The following CAPZB variants were observed in gnomAD, a reference collection of about 807,000 sequenced individuals.
CAPZB encodes F-actin-capping protein subunit beta.
Under a neutral mutation model 38.1 loss-of-function variants are expected in CAPZB, and 2 were observed. That is an observed-to-expected ratio of 0.05 (90% CI 0.02 to 0.17). The LOEUF (loss-of-function observed/expected upper bound fraction) is 0.17, where lower values mean the gene tolerates loss of function less well. Among genes scored for constraint, CAPZB ranks in the 10% least tolerant of loss-of-function variants. The pLI is 1.00. For missense variants in CAPZB, 161 were observed against 334.2 expected, an observed-to-expected ratio of 0.48 and a Z score of 4.04; for synonymous variants, 107 against 127.4, an observed-to-expected ratio of 0.84 and a Z score of 1.08.
In CAPZB at chr1:19,386,540, A is replaced by G. The variant is rs1321856479; in HGVS notation, c.94-914T>C. 3.3e-5 allele frequency among the ~76,000 whole-genome samples: 5 copies of G among 152,316 alleles called. No homozygotes were observed. In the South Asian group the frequency reaches 8.3e-4, roughly 25 times the overall value. On this transcript the variant is annotated intron_variant, in intron 2 of 8. Transcript: ENST00000264202. ...GCCAGTTGCACCAATAACCCTTCCC[A>G]GTGGAAAAATTCCATCGTATGGCAA...
At chr1:19,409,287 G>A (rs2094346959) in intron 2 of CAPZB, among the ~76,000 whole-genome samples, 1 of 152,012 alleles carries the variant, frequency 6.6e-6, no homozygotes, top group Non-Finnish European at 1.5e-5. Flanking sequence ...GAGACTCAAT[G>A]CCAAGGTGAG....
intron 3 of CAPZB, among the ~76,000 whole-genome samples, chr1:19,379,997 G>T (rs1437253400): frequency 6.6e-6 from 1 of 152,076 alleles, no homozygotes; most frequent in African/African-American, 2.4e-5. Context: ...GATGTGGAAT[G>T]CATGTTAAGG....
At chr1:19,369,085 A>G (rs2094106682) in intron 4 of CAPZB, among the ~76,000 whole-genome samples, 1 of 152,244 alleles carries the variant, frequency 6.6e-6, no homozygotes, top group Admixed American at 6.5e-5. Flanking sequence ...CGTGGGGATC[A>G]TGTTCATAAG....
intron 2 of CAPZB, among the ~76,000 whole-genome samples, chr1:19,387,298 A>G (rs1280842875): frequency 1.3e-5 from 2 of 152,230 alleles, no homozygotes; most frequent in Admixed American, 1.3e-4. Context: ...GCTAAGGGGA[A>G]GGACAGTGCA....
intron 1 of CAPZB, among the ~76,000 whole-genome samples, chr1:19,462,542 A>T (rs1274198005): frequency 6.6e-6 from 1 of 152,254 alleles, no homozygotes; most frequent in Non-Finnish European, 1.5e-5. Flanking sequence ...AAGGAGGGTA[A>T]GCATGTTAGA....
chr1:19,440,067 C>T (rs931739411), intron 1 of CAPZB, among the ~76,000 whole-genome samples: 2 of 152,194 alleles, frequency 1.3e-5, no homozygotes, highest in Admixed American at 6.5e-5. Context: ...TATATTACTG[C>T]AAATCTAATA....
intron 2 of CAPZB, among the ~76,000 whole-genome samples, chr1:19,412,408 G>A (rs1040866064): frequency 2.0e-5 from 3 of 152,152 alleles, no homozygotes; most frequent in African/African-American, 7.2e-5. Flanking sequence ...ATGTTAAAAT[G>A]TCTTGCATGT....
chr1:19,415,092 T>C (rs1479069082), intron 2 of CAPZB, among the ~76,000 whole-genome samples: 1 of 152,260 alleles, frequency 6.6e-6, no homozygotes. Flanking sequence ...AATCAGACCA[T>C]GGTGGACTGG....
chr1:19,397,414 G>A (rs1453482846), intron 2 of CAPZB, among the ~76,000 whole-genome samples: 1 of 152,198 alleles, frequency 6.6e-6, no homozygotes, highest in African/African-American at 2.4e-5. Flanking sequence ...GGTAGGTTAA[G>A]CAACTTGGCT....
At chr1:19,432,111 C>T (rs1042358369) in intron 1 of CAPZB, among the ~76,000 whole-genome samples, 6 of 148,952 alleles carry the variant, frequency 4.0e-5, no homozygotes, top group African/African-American at 1.5e-4. Flanking sequence ...TAAAATTCTA[C>T]ATTATTAGCA....
intron 1 of CAPZB, among the ~76,000 whole-genome samples, chr1:19,442,533 C>T (rs904083746): frequency 6.6e-6 from 1 of 152,176 alleles, no homozygotes; most frequent in Non-Finnish European, 1.5e-5. Flanking sequence ...CTGGTTGCCA[C>T]CTACTCCTAG....
chr1:19,380,838 C>T (rs377240905), intron 3 of CAPZB, among the ~76,000 whole-genome samples: 125 of 152,146 alleles, frequency 8.2e-4, no homozygotes, highest in African/African-American at 2.7e-3. Context: ...CAGTGCCTGG[C>T]ACTCAACTAC....
intron 8 of CAPZB, chr1:19,342,893 T>C: frequency 7.4e-7 from 1 of 1,359,736 alleles, no homozygotes; most frequent in Admixed American, 1.7e-5. Context: ...ATGAGTGGAG[T>C]GGGAGGGAAG....
chr1:19,479,394 C>T (rs1316700523), intron 1 of CAPZB, among the ~76,000 whole-genome samples: 1 of 152,134 alleles, frequency 6.6e-6, no homozygotes, highest in African/African-American at 2.4e-5. Context: ...CACTGGGCTA[C>T]CCAGACTGAA....
chr1:19,410,278 G>C (rs1405119960), intron 2 of CAPZB, among the ~76,000 whole-genome samples: 2 of 152,160 alleles, frequency 1.3e-5, no homozygotes, highest in Admixed American at 6.5e-5. Flanking sequence ...GGAGGGACAA[G>C]AGCCCATTTG....
chr1:19,341,651 G>C (rs951825514), intron 8 of CAPZB, among the ~76,000 whole-genome samples: 1 of 152,214 alleles, frequency 6.6e-6, no homozygotes, highest in Non-Finnish European at 1.5e-5. Context: ...TCTACGCCAG[G>C]ACGCCCCCAG....
chr1:19,350,314 C>T (rs965407649), intron 6 of CAPZB, among the ~76,000 whole-genome samples: 3 of 152,278 alleles, frequency 2.0e-5, no homozygotes, highest in African/African-American at 4.8e-5. Context: ...GCCTTCACCT[C>T]GCACTAAATA....
intron 4 of CAPZB, among the ~76,000 whole-genome samples, chr1:19,367,978 T>C (rs1441868178): frequency 6.6e-6 from 1 of 152,160 alleles, no homozygotes; most frequent in Admixed American, 6.6e-5. Flanking sequence ...GCTGGCCCCA[T>C]GGAGCTACCT....
intron 1 of CAPZB, among the ~76,000 whole-genome samples, chr1:19,453,987 G>A (rs555164743): frequency 9.7e-4 from 147 of 152,290 alleles, no homozygotes; most frequent in Middle Eastern, 3.4e-3. Flanking sequence ...CAGCTGCAGC[G>A]TCTGCAATTT....
Sources: allele counts gnomAD v4.1 joint callset (sites outside exome capture counted in the v4.1 genomes callset), GRCh38; gene constraint gnomAD v4.1.1; transcripts MANE v1.5; gene names NCBI Gene and HGNC (gene_info 2026-07-23, HGNC 2026-07-21).